MTNR1B: variants seen among roughly 807,000 people sequenced by gnomAD.
The protein encoded by MTNR1B is melatonin receptor type 1B.
A neutral mutation model predicts 7.0 loss-of-function variants in MTNR1B; 7 were observed. The ratio of observed to expected loss-of-function variants is 1.00; its 90% CI spans 0.57 to 1.88. The LOEUF is 1.88. Among genes scored for constraint, MTNR1B ranks in the 40% most tolerant of loss-of-function variants. The pLI is 0.00. For synonymous variants in MTNR1B, 226 were observed against 208.2 expected (o/e 1.09, Z -0.74); for missense variants, 478 against 486.5 (o/e 0.98, Z 0.16).
intron 1 of MTNR1B, among the ~76,000 whole-genome samples, chr11:92,970,152 G>C (rs1857902357): frequency 6.6e-6 from 1 of 152,174 alleles, no homozygotes; most frequent in Non-Finnish European, 1.5e-5. Context: ...TGCCCAGGAC[G>C]CGCTTGGCAC....
downstream of MTNR1B, chr11:92,984,861 G>A (rs955956131): frequency 1.1e-5 from 5 of 455,938 alleles, no homozygotes; most frequent in African/African-American, 1.0e-4. Context: ...TAAAGCCCAG[G>A]CCCAGGACAT....
downstream of MTNR1B, among the ~76,000 whole-genome samples, chr11:92,983,294 CT>C (rs1232597414): frequency 1.3e-5 from 2 of 152,128 alleles, no homozygotes; most frequent in Non-Finnish European, 2.9e-5. Flanking sequence ...TGCCTCACCC[CT>C]GCCTCAGCTT....
chr11:92,977,764 A>T (rs191520339), intron 1 of MTNR1B, among the ~76,000 whole-genome samples: 1 of 152,334 alleles, frequency 6.6e-6, no homozygotes, highest in East Asian at 1.9e-4. Context: ...TCTTTCATCC[A>T]TCACTGCGTC....
intron 1 of MTNR1B, among the ~76,000 whole-genome samples, chr11:92,972,057 A>G (rs1857935075): frequency 6.6e-6 from 1 of 152,228 alleles, no homozygotes; most frequent in African/African-American, 2.4e-5. Flanking sequence ...TGTAGTACTG[A>G]CTTGAACTAA....
intron 1 of MTNR1B, among the ~76,000 whole-genome samples, chr11:92,971,528 T>C (rs189751659): frequency 4.2e-4 from 64 of 152,334 alleles, no homozygotes; most frequent in African/African-American, 1.5e-3. Context: ...AACATTCATT[T>C]CCAGCACAGG....
intron 1 of MTNR1B, among the ~76,000 whole-genome samples, chr11:92,971,456 C>T (rs1857921618): frequency 6.6e-6 from 1 of 152,164 alleles, no homozygotes; most frequent in Non-Finnish European, 1.5e-5. Flanking sequence ...TAGGGAAAAA[C>T]AGGTTATGAT....
At chr11:92,971,279 TA>T (rs902598776) in intron 1 of MTNR1B, among the ~76,000 whole-genome samples, 10 of 151,932 alleles carry the variant, frequency 6.6e-5, no homozygotes, top group Non-Finnish European at 1.3e-4. Context: ...GATTTTTAGC[TA>T]AAAAAACAAA....
At chr11:92,972,702 A>G (rs1857951510) in intron 1 of MTNR1B, 5 of 366,732 alleles carry the variant, frequency 1.4e-5, no homozygotes, top group South Asian at 1.0e-4. Context: ...GACTTGCCAC[A>G]CTTTTGACTC....
Position 92,982,477 on chromosome 11 carries a change from A to G in MTNR1B, c.*165A>G, listed in dbSNP as rs1733522253. 1.2e-6 allele frequency: 1 copy of G among 814,628 alleles called. No individual in the cohort carries two copies. Among genetic ancestry groups the G allele is most frequent in the Non-Finnish European group, 1.9e-6 (1 of 532,880 alleles). 50.5% of individuals were successfully genotyped at this position (814,628 alleles called of 1,614,324 possible). ...CTGGGACAAGCAGCCCATCAACGCC[A>G]TGGGTTCAGGCTGATCCAGGAGATG... On this transcript the variant is annotated 3_prime_UTR_variant, in exon 2 of 2. Coordinates refer to ENST00000257068, the MANE Select transcript of MTNR1B (RefSeq NM_005959.5).
chr11:92,984,386 G>A (rs1858165450), downstream of MTNR1B, among the ~76,000 whole-genome samples: 2 of 152,100 alleles, frequency 1.3e-5, no homozygotes, highest in South Asian at 4.2e-4. Flanking sequence ...CCTGATGATG[G>A]CAATGGTAGT....
At chr11:92,972,863 C>T (rs1174894897) in intron 1 of MTNR1B, among the ~76,000 whole-genome samples, 1 of 152,230 alleles carries the variant, frequency 6.6e-6, no homozygotes, top group Non-Finnish European at 1.5e-5. Flanking sequence ...ACACACGATA[C>T]ACAAAGTCTC....
In MTNR1B at chr11:92,982,186, G is replaced by T. The variant is rs1310899445; in HGVS notation, c.963G>T (p.Arg321Ser). The T allele has an allele frequency of 2.5e-6, 4 of 1,614,198 alleles. No individual in the cohort carries two copies. The highest frequency in any genetic ancestry group is 3.4e-6 in the Non-Finnish European group (4 of 1,180,034). ...LNQNFRREYK[R>S]ILLALWNPRH... ...AAAACTTCCGCAGGGAATACAAGAG[G>T]ATCCTCTTGGCCCTTTGGAACCCAC... is the stretch of plus-strand genomic sequence containing the variant. The change falls in exon 2 of 2, where the codon AGG (arginine) becomes AGT (serine). Residue 321 changes from arginine to serine, a missense_variant. Arg to Ser is a moderately radical substitution (Grantham distance 110). Transcript: ENST00000257068.
chr11:92,969,917 C>T lies in MTNR1B; in HGVS notation c.192C>T (p.Ser64=). 1 of 1,611,902 alleles carries T rather than the reference C, an allele frequency of 6.2e-7. No homozygotes were observed. The highest frequency in any genetic ancestry group is 8.5e-7 in the Non-Finnish European group (1 of 1,179,490). ...DVVGNLLVIL[S]VLRNRKLRNA... ...TGGGCAACCTCCTGGTGATCCTCTC[C>T]GTGCTCAGGAACCGCAAGCTCCGGA... The change falls in exon 1 of 2, where the codon TCC becomes TCT. Residue 64 remains serine, a synonymous_variant. Transcript: ENST00000257068.
Position 92,981,681 on chromosome 11 carries a change from G to A in MTNR1B, c.458G>A (p.Arg153Gln), listed in dbSNP as rs751824586. ...AGCATGGCCTACCACCGAATCTACC[G>A]GCGCTGGCACACCCCTCTGCACATC... is the stretch of plus-strand genomic sequence containing the variant. ...CHSMAYHRIY[R>Q]RWHTPLHICL... Residue 153 changes from arginine to glutamine, a missense_variant, in exon 2 of 2, where the codon CGG (arginine) becomes CAG (glutamine). Arg to Gln is a conservative substitution (Grantham distance 43). Transcript: ENST00000257068. 8.1e-6 allele frequency: 13 copies of A among 1,614,000 alleles called. No homozygotes were observed. The East Asian group carries it at 8.9e-5, about 11-fold the overall frequency.
intron 1 of MTNR1B, among the ~76,000 whole-genome samples, chr11:92,980,617 G>A (rs571067417): frequency 1.6e-4 from 24 of 152,184 alleles, no homozygotes; most frequent in Non-Finnish European, 3.2e-4. Flanking sequence ...ACCAAGCTTG[G>A]TGATGTTGGA....
chr11:92,969,724 C>T lies in MTNR1B; in HGVS notation c.-2C>T, dbSNP rs1020073401. ...CCAAAGCACAGCGCGGGAGAGTCTG[C>T]GATGTCAGAGAACGGCTCCTTCGCC... is the stretch of plus-strand genomic sequence containing the variant. On this transcript the variant is annotated 5_prime_UTR_variant, in exon 1 of 2. Transcript: ENST00000257068. 5 of 1,475,966 alleles carry T rather than the reference C, an allele frequency of 3.4e-6. No individual in the cohort carries two copies. The highest frequency in any genetic ancestry group is 4.5e-6 in the Non-Finnish European group (5 of 1,114,002). The allele number at this position is 1,475,966 out of a possible 1,614,324, so 91.4% of individuals were successfully genotyped here.
intron 1 of MTNR1B, among the ~76,000 whole-genome samples, chr11:92,970,774 A>T (rs546231010): frequency 6.6e-5 from 10 of 152,326 alleles, no homozygotes. Context: ...GAAGGAGCTC[A>T]GTCACCTGTT....
At chr11:92,980,744 A>T (rs1591906800) in intron 1 of MTNR1B, among the ~76,000 whole-genome samples, 1 of 151,908 alleles carries the variant, frequency 6.6e-6, no homozygotes, top group Non-Finnish European at 1.5e-5. Context: ...GCCCTTTCTC[A>T]CCCCACAGGG....
At chr11:92,976,290 C>T (rs1353434953) in intron 1 of MTNR1B, among the ~76,000 whole-genome samples, 3 of 152,120 alleles carry the variant, frequency 2.0e-5, no homozygotes, top group Non-Finnish European at 4.4e-5. Flanking sequence ...AGTAAAGCCC[C>T]AGTTCTTAGG....
Sources: allele counts gnomAD v4.1 joint callset (sites outside exome capture counted in the v4.1 genomes callset), GRCh38; gene constraint gnomAD v4.1.1; transcripts MANE v1.5; gene names NCBI Gene and HGNC (gene_info 2026-07-23, HGNC 2026-07-21).